Variants in FARP1 observed in about 807,000 individuals in gnomAD.
FARP1 encodes FERM, ARHGEF and pleckstrin domain-containing protein 1.
Under a neutral mutation model 128.8 loss-of-function variants are expected in FARP1, and 52 were observed. The ratio of observed to expected loss-of-function variants is 0.40; its 90% confidence interval spans 0.32 to 0.51. FARP1 has a LOEUF of 0.51. FARP1 is among the 20% of genes least tolerant of loss of function. The pLI, the probability that FARP1 is intolerant of heterozygous loss-of-function variation, is 0.45. For synonymous variants in FARP1, 580 were observed against 551.8 expected, an observed-to-expected ratio of 1.05 and a Z score of -0.72; for missense variants, 1,333 against 1,367.9, an observed-to-expected ratio of 0.97 and a Z score of 0.40.
At chr13:98,346,842 G>A (rs1888198772) in intron 3 of FARP1, among the ~76,000 whole-genome samples, 1 of 152,214 alleles carries the variant, frequency 6.6e-6, no homozygotes, top group East Asian at 1.9e-4. Context: ...GGTCTTGGGT[G>A]TGTTCTCTCT....
chr13:98,413,458 G>A (rs11616596), intron 16 of FARP1, among the ~76,000 whole-genome samples: 1 of 152,066 alleles, frequency 6.6e-6, no homozygotes, highest in Non-Finnish European at 1.5e-5. Context: ...CCAGGAGTTC[G>A]AGAGCAGCCT....
Position 98,446,271 on chromosome 13 carries a change from C to T in FARP1, c.2904+66C>T, listed in dbSNP as rs568344132. The T allele has an allele frequency of 1.2e-4, 123 of 1,034,432 alleles. 1 individual carries two copies. Among genetic ancestry groups the T allele is most frequent in the African/African-American group, 3.9e-4 (25 of 63,444 alleles). The allele number at this position is 1,034,432 out of a possible 1,614,324, so 64.1% of individuals were successfully genotyped here. ...GGGTGGCAGCATGAGGTGAGGGGGCCGCCCTCCTCTGGAATGACTCAGGCC... is the reference window on the plus strand; with the variant it reads ...GGGTGGCAGCATGAGGTGAGGGGGCTGCCCTCCTCTGGAATGACTCAGGCC... On this transcript the variant is annotated intron_variant, in intron 25 of 26. Coordinates refer to ENST00000319562, the MANE Select transcript of FARP1 (RefSeq NM_005766.4).
intron 16 of FARP1, among the ~76,000 whole-genome samples, chr13:98,419,074 C>T (rs1355950596): frequency 2.0e-5 from 3 of 152,194 alleles, no homozygotes; most frequent in South Asian, 2.1e-4. Context: ...AGATGCCTCT[C>T]GCACAAATGT....
intron 23 of FARP1, 142 bp from the exon 24 acceptor site, chr13:98,440,528 C>T (rs1892481129): frequency 1.3e-6 from 1 of 767,608 alleles, no homozygotes; most frequent in Admixed American, 2.8e-5. Context: ...CTGCAGGGTC[C>T]ATCGAGGCCT....
At chr13:98,220,038 ATTTTT>A (rs11335167) in intron 2 of FARP1, among the ~76,000 whole-genome samples, 1 of 148,670 alleles carries the variant, frequency 6.7e-6, no homozygotes, top group African/African-American at 2.5e-5. Flanking sequence ...TGAAGAAAGT[ATTTTT>A]TTTTTTTCTT....
chr13:98,144,236 A>AGG (rs200058365), intron 1 of FARP1, among the ~76,000 whole-genome samples: 1 of 149,728 alleles, frequency 6.7e-6, no homozygotes, highest in African/African-American at 2.5e-5. Flanking sequence ...GTTTTATTTG[A>AGG]GGGGGGGAAA....
At chr13:98,243,392 G>C (rs1386491109) in intron 2 of FARP1, among the ~76,000 whole-genome samples, 1 of 152,064 alleles carries the variant, frequency 6.6e-6, no homozygotes, top group African/African-American at 2.4e-5. Flanking sequence ...TCTGTGTCCT[G>C]TTGATTAAGA....
At chr13:98,397,227 C>G (rs556104020) in intron 13 of FARP1, 2 of 152,306 alleles carry the variant, frequency 1.3e-5, no homozygotes, top group Admixed American at 1.3e-4. Context: ...AATTCTGCCT[C>G]TCAGAATCTC....
intron 24 of FARP1, 165 bp from the exon 25 acceptor site, chr13:98,445,933 C>A (rs1594550848): frequency 1.7e-6 from 1 of 583,378 alleles, no homozygotes; most frequent in East Asian, 2.9e-5. Context: ...ATCAGGGTCC[C>A]AGGACCTGCC....
chr13:98,150,028 C>T (rs1273090431), intron 1 of FARP1, among the ~76,000 whole-genome samples: 45 of 151,282 alleles, frequency 3.0e-4, no homozygotes, highest in Admixed American at 4.0e-4. Context: ...TGAGCCACCG[C>T]GCCCGGCCAA....
intron 1 of FARP1, among the ~76,000 whole-genome samples, chr13:98,168,841 C>G (rs1877457739): frequency 6.6e-6 from 1 of 152,106 alleles, no homozygotes; most frequent in South Asian, 2.1e-4. Context: ...TTGAAATGTT[C>G]AGGTGTCCTG....
chr13:98,428,093 C>G (rs1177693658), intron 17 of FARP1, among the ~76,000 whole-genome samples: 1 of 148,792 alleles, frequency 6.7e-6, no homozygotes, highest in Non-Finnish European at 1.5e-5. Flanking sequence ...CTGCTGTCAT[C>G]AGTCTCAGCC....
rs764593719 is a variant in FARP1, at chr13:98,377,921, A to G, written c.496+3A>G. On this transcript the variant is annotated splice_donor_region_variant and intron_variant, in intron 6 of 26. Coordinates refer to ENST00000319562, the MANE Select transcript of FARP1 (RefSeq NM_005766.4). ...CTTGATTTCACACATTGTGCAATGT[A>G]AGTTCTATTGGTTTCCTTTGAAAAT... 1.9e-6 allele frequency: 3 copies of G among 1,598,216 alleles called. No homozygotes were observed. The South Asian group carries it at 3.3e-5, about 18-fold the overall frequency.
intron 3 of FARP1, among the ~76,000 whole-genome samples, chr13:98,360,167 A>C (rs1029508967): frequency 4.0e-5 from 6 of 150,374 alleles, no homozygotes; most frequent in African/African-American, 1.2e-4. Flanking sequence ...GCTGTCTCAA[A>C]TCACTGCAAG....
chr13:98,410,809 G>A lies in FARP1; in HGVS notation c.1678G>A (p.Glu560Lys), dbSNP rs191037910. 3 of 1,578,400 alleles carry A rather than the reference G, an allele frequency of 1.9e-6. No individual in the cohort carries two copies. Among genetic ancestry groups the A allele is most frequent in the Non-Finnish European group, 2.6e-6 (3 of 1,150,554 alleles). ...TTERTYLKDL[E>K]VITSWFQSTV... ...CGAGCGAACATATCTGAAGGATCTC[G>A]AAGTTATCACTTCGGTATGTGCAGT... is the stretch of plus-strand genomic sequence containing the variant. Residue 560 changes from glutamate (E) to lysine (K), a missense_variant, in exon 15 of 27, where the codon GAA becomes AAA. Around this residue, in one of 2 missense-constraint regions of FARP1, gnomAD observed 1,009 missense variants for 969.8 expected, o/e 1.04. Coordinates refer to ENST00000319562, the MANE Select transcript of FARP1 (RefSeq NM_005766.4).
chr13:98,247,286 G>C (rs1883118245), intron 2 of FARP1, among the ~76,000 whole-genome samples: 3 of 152,210 alleles, frequency 2.0e-5, no homozygotes, highest in Admixed American at 2.0e-4. Context: ...GACGATGCGT[G>C]CCATCTACCA....
intron 17 of FARP1, 118 bp downstream of exon 17, chr13:98,424,768 C>A (rs920808337): frequency 2.5e-4 from 188 of 739,690 alleles, no homozygotes; most frequent in Non-Finnish European, 3.7e-4. Context: ...TGACTCTCTA[C>A]ACCAAGCTTG....
At chr13:98,390,422 C>G (rs138155990) in intron 10 of FARP1, among the ~76,000 whole-genome samples, 3 of 152,310 alleles carry the variant, frequency 2.0e-5, no homozygotes, top group African/African-American at 7.2e-5. Context: ...AATATGTGGA[C>G]TTGGATGTTA....
In FARP1 at chr13:98,448,034, C is replaced by CTGAG. The variant is rs753680745; in HGVS notation, c.3057-195_3057-192dup. On this transcript the variant is annotated intron_variant, in intron 26 of 26. Transcript: ENST00000319562. ...GCAGCAAGGTACTTCCAGCTCCACA[C>CTGAG]TGAGTGAGTGCCCAGGCCAGTGGGT... The CTGAG allele has an allele frequency of 5.0e-6, 3 of 599,460 alleles. No individual in the cohort carries two copies. The African/African-American group carries it at 5.6e-5, about 11-fold the overall frequency. The allele number at this position is 599,460 out of a possible 1,614,324, so 37.1% of individuals were successfully genotyped here. A position where few individuals can be genotyped will look rare whatever the true frequency, so the allele number is the denominator to read the frequency against.
Sources: allele counts gnomAD v4.1 joint callset (sites outside exome capture counted in the v4.1 genomes callset), GRCh38; gene constraint gnomAD v4.1.1; regional missense constraint gnomAD v4.1.1; transcripts MANE v1.5; gene names NCBI Gene and HGNC (gene_info 2026-07-23, HGNC 2026-07-21).